Variants in RP1 observed in about 807,000 individuals in gnomAD.
RP1 encodes RP1 axonemal microtubule associated.
In RP1, 16 loss-of-function variants were observed where a neutral mutation model predicts 14.8. That is an observed-to-expected ratio of 1.08 (90% CI 0.73 to 1.65). The LOEUF is 1.65. Ranked by LOEUF, RP1 falls within the 40% of genes most tolerant of loss-of-function variation. The probability of loss-of-function intolerance (pLI) is 0.00; values close to 1 mark genes in which losing one functional copy is unlikely to be tolerated. For missense variants in RP1, 2,631 were observed against 2,535.0 expected (o/e 1.04, Z -0.81); for synonymous variants, 876 against 883.6 (o/e 0.99, Z 0.15).
At chr8:54,597,257 T>C (rs995164373) in intron 1 of RP1, among the ~76,000 whole-genome samples, 1 of 152,170 alleles carries the variant, frequency 6.6e-6, no homozygotes, top group African/African-American at 2.4e-5. Flanking sequence ...CTCCAGTTTT[T>C]CTACTTGGAA....
chr8:54,693,408 C>T (rs1563349586), intron 12 of RP1, among the ~76,000 whole-genome samples: 1 of 152,130 alleles, frequency 6.6e-6, no homozygotes, highest in Non-Finnish European at 1.5e-5. Context: ...ATACCTTGGA[C>T]AGTATGGCCA....
At chr8:54,768,132 G>A (rs1420614959) in intron 22 of RP1, among the ~76,000 whole-genome samples, 3 of 152,184 alleles carry the variant, frequency 2.0e-5, no homozygotes, top group Non-Finnish European at 4.4e-5. Flanking sequence ...CCTCCTGTGC[G>A]TCAGCCACGT....
In RP1 at chr8:54,625,128, G is replaced by A. The variant is rs1805994360; in HGVS notation, c.1246G>A (p.Val416Met). 5 of 1,614,042 alleles carry A rather than the reference G, an allele frequency of 3.1e-6. No homozygotes were observed. The highest frequency in any genetic ancestry group is 1.3e-5 in the African/African-American group (1 of 74,934). ...EEINIQMTDQ[V>M]AETCSSASWE... is the part of the protein sequence containing the mutation. ...GATAAACATTCAAATGACAGATCAA[G>A]TGGCTGAAACTTGCAGTTCTGCTAG... The change falls in exon 4 of 4, where the codon GTG (valine) becomes ATG (methionine). Residue 416 changes from valine to methionine, a missense_variant. Physicochemically the swap from Val to Met is conservative, Grantham distance 21 (BLOSUM62 1). Transcript: ENST00000220676.
chr8:54,791,607 C>T (rs914628393), intron 24 of RP1, among the ~76,000 whole-genome samples: 10 of 151,904 alleles, frequency 6.6e-5, no homozygotes, highest in African/African-American at 2.4e-4. Context: ...TTAAAAGTGT[C>T]ATTTTATAGA....
chr8:54,698,747 A>G (rs1807935528), intron 12 of RP1, among the ~76,000 whole-genome samples: 1 of 152,192 alleles, frequency 6.6e-6, no homozygotes, highest in Non-Finnish European at 1.5e-5. Flanking sequence ...AGGGACATGG[A>G]TGAAACTGGA....
chr8:54,865,906 C>G, exon 28 of RP1: 7 of 1,221,560 alleles, frequency 5.7e-6, no homozygotes, highest in Non-Finnish European at 7.2e-6. Flanking sequence ...GGTGCTGTTT[C>G]TATGCAACAG....
intron 24 of RP1, among the ~76,000 whole-genome samples, chr8:54,827,341 T>C (rs980596770): frequency 6.6e-6 from 1 of 152,096 alleles, no homozygotes; most frequent in East Asian, 1.9e-4. Context: ...TTTTTTTTTT[T>C]TTTTAGACAA....
intron 17 of RP1, among the ~76,000 whole-genome samples, chr8:54,729,623 T>A (rs1426904158): frequency 1.3e-5 from 2 of 152,140 alleles, no homozygotes; most frequent in African/African-American, 4.8e-5. Flanking sequence ...AAAATCTATT[T>A]ATGCTTGTGC....
At chr8:54,604,271 C>A (rs966038248) in intron 1 of RP1, among the ~76,000 whole-genome samples, 3 of 152,078 alleles carry the variant, frequency 2.0e-5, no homozygotes, top group Admixed American at 6.6e-5. Context: ...TTGTCAAAGG[C>A]CTTTTCTGCA....
At chr8:54,799,894 G>GAA (rs1810663675) in intron 24 of RP1, among the ~76,000 whole-genome samples, 1 of 151,874 alleles carries the variant, frequency 6.6e-6, no homozygotes, top group Admixed American at 6.6e-5. Flanking sequence ...TTAAAAATGA[G>GAA]AAAAATAATA....
intron 15 of RP1, among the ~76,000 whole-genome samples, chr8:54,707,723 C>T (rs1808185125): frequency 6.6e-6 from 1 of 152,184 alleles, no homozygotes; most frequent in Non-Finnish European, 1.5e-5. Context: ...TTTCATGGTT[C>T]CCAGGGTCCC....
chr8:54,846,053 A>G (rs1172705966), intron 25 of RP1, among the ~76,000 whole-genome samples: 2 of 152,192 alleles, frequency 1.3e-5, no homozygotes, highest in Non-Finnish European at 2.9e-5. Context: ...TCATTGCCAC[A>G]TGTCTGCAGT....
intron 12 of RP1, among the ~76,000 whole-genome samples, chr8:54,694,887 T>C (rs1260666681): frequency 6.6e-6 from 1 of 152,096 alleles, no homozygotes; most frequent in Non-Finnish European, 1.5e-5. Context: ...GCTCTTGCTT[T>C]TCTAGTTCTT....
At chr8:54,576,134 A>G (rs4595106) in intron 1 of RP1, among the ~76,000 whole-genome samples, 86,244 of 149,550 alleles carry the variant, frequency 0.58, 25,429 homozygotes, top group Non-Finnish European at 0.66. Context: ...TCCGCCTCCC[A>G]GGTTCACGCC....
chr8:54,645,626 A>G (rs936122629), intron 3 of RP1, among the ~76,000 whole-genome samples: 2 of 152,012 alleles, frequency 1.3e-5, no homozygotes, highest in Non-Finnish European at 2.9e-5. Flanking sequence ...ATTTTCATTG[A>G]TGTTTTTGGG....
At chr8:54,738,878 G>T (rs1809000561) in intron 18 of RP1, 6 of 1,088,858 alleles carry the variant, frequency 5.5e-6, no homozygotes, top group African/African-American at 3.2e-5. Flanking sequence ...TAAAAAGAAA[G>T]AATTTTTTAA....
At chr8:54,743,707 T>G (rs922580600) in intron 19 of RP1, among the ~76,000 whole-genome samples, 3 of 152,202 alleles carry the variant, frequency 2.0e-5, no homozygotes, top group Non-Finnish European at 4.4e-5. Flanking sequence ...GCTTATCTAG[T>G]ACTTTCTTTT....
downstream of RP1, among the ~76,000 whole-genome samples, chr8:54,772,995 T>C (rs1809946639): frequency 6.6e-6 from 1 of 152,222 alleles, no homozygotes; most frequent in Admixed American, 6.5e-5. Flanking sequence ...AGGTTGGGTT[T>C]TTGATAAGCT....
Position 54,625,689 on chromosome 8 carries a change from G to T in RP1, c.1807G>T (p.Asp603Tyr). ...KNFKTYGNTNDRFSPISADAT... is the reference protein window; with the variant it reads ...KNFKTYGNTNYRFSPISADAT... Reference sequence around the variant, plus strand: ...CTTCAAAACTTATGGTAACACCAATGATAGGTTCAGTCCTATTTCAGCAGA... The same window carrying T: ...CTTCAAAACTTATGGTAACACCAATTATAGGTTCAGTCCTATTTCAGCAGA... Residue 603 changes from aspartate (D) to tyrosine (Y), a missense_variant, in exon 4 of 4, where the codon GAT (aspartate) becomes TAT (tyrosine). Transcript: ENST00000220676. 1.2e-6 allele frequency: 2 copies of T among 1,614,082 alleles called. No individual in the cohort carries two copies. Among genetic ancestry groups the T allele is most frequent in the Non-Finnish European group, 1.7e-6 (2 of 1,179,986 alleles).
Sources: gnomAD v4.1 joint callset for allele counts (sites outside exome capture counted in the v4.1 genomes callset) on GRCh38, gnomAD v4.1.1 for gene constraint, MANE v1.5 for transcripts, NCBI Gene and HGNC (gene_info 2026-07-23, HGNC 2026-07-21) for gene names.